TSPEAR: variants seen among roughly 807,000 people sequenced by gnomAD.
The protein encoded by TSPEAR is thrombospondin type laminin G domain and EAR repeats.
In TSPEAR, 69 loss-of-function variants were observed where a neutral mutation model predicts 71.6. The ratio of observed to expected loss-of-function variants is 0.96; its 90% confidence interval spans 0.79 to 1.18. The LOEUF (loss-of-function observed/expected upper bound fraction) is 1.18, where lower values mean the gene tolerates loss of function less well. Ranked by LOEUF, TSPEAR falls within the 50% of genes most tolerant of loss-of-function variation. The probability of loss-of-function intolerance (pLI) is 0.00; values close to 1 mark genes in which losing one functional copy is unlikely to be tolerated. For synonymous variants in TSPEAR, 402 were observed against 387.2 expected (o/e 1.04, Z -0.45); for missense variants, 971 against 894.9 (o/e 1.09, Z -1.09).
intron 1 of TSPEAR, among the ~76,000 whole-genome samples, chr21:44,696,489 T>A (rs1160581125): frequency 9.9e-5 from 15 of 152,212 alleles, no homozygotes; most frequent in Admixed American, 1.3e-4. Flanking sequence ...ACAAGGTTGA[T>A]GTATGGGTTA....
rs1390912746 is a variant in TSPEAR at position 44,695,226 on chromosome 21, C to G, written c.82+16207G>C. Among the ~76,000 whole-genome samples the G allele has an allele frequency of 6.6e-6, 1 of 152,234 alleles. No individual in the cohort carries two copies. Among genetic ancestry groups the G allele is most frequent in the Admixed American group, 6.5e-5 (1 of 15,290 alleles). ...CCTGTGGCTTTGGGGCATTCACACT[C>G]TCCTGGTCCTGTCCTGGCACCTTTG... On this transcript the variant is annotated intron_variant, in intron 1 of 11. Transcript: ENST00000323084. The surrounding 1 kb of genome is among the most constrained non-coding windows in gnomAD (Gnocchi z 4.5).
At position 44,642,996 on chromosome 21, in the gene TSPEAR, T is replaced by C. The variant is rs1456829397; in HGVS notation, c.82+68437A>G. On this transcript the variant is annotated intron_variant, in intron 1 of 11. Coordinates refer to ENST00000323084, the MANE Select transcript of TSPEAR (RefSeq NM_144991.3). This position sits in a 1 kb window ranked among gnomAD's most constrained non-coding sequence, Gnocchi z 4.1. ...GCAGCACTATTCACAACAGCAAAGA[T>C]ACGGAAGCAACATAAGTGATCATCA... Among the ~76,000 whole-genome samples, 1 of 152,114 alleles carries C rather than the reference T, an allele frequency of 6.6e-6. No individual in the cohort carries two copies. The highest frequency in any genetic ancestry group is 1.5e-5 in the Non-Finnish European group (1 of 68,028).
At chr21:44,681,944 G>GCA (rs1986614995) in intron 1 of TSPEAR, 1 of 1,614,054 alleles carries the variant, frequency 6.2e-7, no homozygotes, top group Non-Finnish European at 8.5e-7. Flanking sequence ...CGACGGGCCT[G>GCA]CAGCTCACGG....
At chr21:44,585,337 A>G (rs1185369985) in intron 1 of TSPEAR, among the ~76,000 whole-genome samples, 2 of 152,056 alleles carry the variant, frequency 1.3e-5, no homozygotes, top group Non-Finnish European at 2.9e-5. Flanking sequence ...ACCTGGCACT[A>G]TTCTCTCCTT....
intron 1 of TSPEAR, chr21:44,682,130 G>C (rs782552535): frequency 6.2e-7 from 1 of 1,613,124 alleles, no homozygotes; most frequent in Admixed American, 1.7e-5. Context: ...ACATGGTGGC[G>C]TGTGGCTGGA....
rs1243707593 is a variant in TSPEAR, at chr21:44,525,806, C to T, written c.1183G>A (p.Glu395Lys). 1.2e-6 allele frequency: 2 copies of T among 1,613,982 alleles called. No homozygotes were observed. Among genetic ancestry groups the T allele is most frequent in the South Asian group, 1.1e-5 (1 of 91,078 alleles). Residue 395 changes from glutamate to lysine, a missense_variant, in exon 8 of 12, where the codon GAG becomes AAG. Glu to Lys is a moderately conservative substitution (Grantham distance 56). Transcript: ENST00000323084. ...ATGACAGAGAACTCCTGACCCTTCT[C>T]ATCTGGTTCAAAATTAGCCACTGCC... ...FLAVANFEPD[E>K]KGQEFSVIYK... is the part of the protein sequence containing the mutation.
intron 1 of TSPEAR, among the ~76,000 whole-genome samples, chr21:44,615,153 G>A (rs905853702): frequency 1.3e-5 from 2 of 152,236 alleles, no homozygotes; most frequent in Admixed American, 6.5e-5. Flanking sequence ...AAAAATCTCC[G>A]GCGCATGTAC....
chr21:44,603,765 T>A (rs1167935927), intron 1 of TSPEAR, among the ~76,000 whole-genome samples: 1 of 152,238 alleles, frequency 6.6e-6, no homozygotes, highest in Non-Finnish European at 1.5e-5. Flanking sequence ...CACCTGGACA[T>A]TCACCATTTG....
At chr21:44,503,551 G>GGGGGAAGCCGGCC (rs2052102293) in intron 11 of TSPEAR, among the ~76,000 whole-genome samples, 2 of 129,044 alleles carry the variant, frequency 1.5e-5, no homozygotes, top group Non-Finnish European at 3.3e-5. Context: ...TGAGCCCACA[G>GGGGGAAGCCGGCC]TGGGGAAGCA....
At chr21:44,523,705 T>G (rs1280630832) in intron 8 of TSPEAR, among the ~76,000 whole-genome samples, 7 of 150,502 alleles carry the variant, frequency 4.7e-5, no homozygotes, top group Admixed American at 1.3e-4. Context: ...AGGCAGGTAG[T>G]TAGTCATCAG....
Position 44,602,418 on chromosome 21 carries a change from T to C in TSPEAR, c.83-34413A>G, listed in dbSNP as rs587685326. 4.9e-3 allele frequency among the ~76,000 whole-genome samples: 746 copies of C among 152,268 alleles called. 4 individuals carry two copies. Among genetic ancestry groups the C allele is most frequent in the Non-Finnish European group, 8.1e-3 (554 of 67,994 alleles). ...GCTGCTTTGGGGCCTCCCCAGAAAC[T>C]GGGTTGTGTCCAGCCCCTGGCTCCA... is the stretch of plus-strand genomic sequence containing the variant. On this transcript the variant is annotated intron_variant, in intron 1 of 11. Coordinates refer to ENST00000323084, the MANE Select transcript of TSPEAR (RefSeq NM_144991.3).
intron 8 of TSPEAR, among the ~76,000 whole-genome samples, chr21:44,524,130 GT>G (rs1555914643): frequency 8.1e-4 from 123 of 151,898 alleles, no homozygotes; most frequent in African/African-American, 3.0e-3. Flanking sequence ...TAGTCAGTCA[GT>G]CAGTGAGGTA....
intron 11 of TSPEAR, among the ~76,000 whole-genome samples, chr21:44,504,038 C>A (rs1461769769): frequency 6.9e-6 from 1 of 144,084 alleles, no homozygotes; most frequent in Non-Finnish European, 1.5e-5. Flanking sequence ...GGAAGCAAGG[C>A]TCTGGGAGGA....
intron 9 of TSPEAR, among the ~76,000 whole-genome samples, chr21:44,513,791 A>T (rs2052470923): frequency 6.6e-6 from 1 of 152,034 alleles, no homozygotes; most frequent in Non-Finnish European, 1.5e-5. Flanking sequence ...GGCAGGATGC[A>T]CCCCTGGGGC....
At chr21:44,517,945 CTCT>C (rs1171386237) in intron 9 of TSPEAR, 11 of 433,456 alleles carry the variant, frequency 2.5e-5, no homozygotes, top group Admixed American at 8.5e-5. Flanking sequence ...TGTCCTCACC[CTCT>C]TCTTTTTTTT....
chr21:44,583,938 C>T (rs1979174685), intron 1 of TSPEAR, among the ~76,000 whole-genome samples: 1 of 152,124 alleles, frequency 6.6e-6, no homozygotes, highest in Non-Finnish European at 1.5e-5. Context: ...GTCAACTGTC[C>T]CCGTGCTGCA....
intron 1 of TSPEAR, among the ~76,000 whole-genome samples, chr21:44,701,707 G>A (rs570797812): frequency 2.0e-5 from 3 of 151,170 alleles, no homozygotes; most frequent in South Asian, 4.2e-4. Context: ...GGCAGGAGGC[G>A]GAGCTCGGGT....
chr21:44,624,984 C>T (rs1186311510), intron 1 of TSPEAR, among the ~76,000 whole-genome samples: 1 of 152,178 alleles, frequency 6.6e-6, no homozygotes, highest in Non-Finnish European at 1.5e-5. Context: ...GATGGCCAGT[C>T]TGATGTCAGC....
chr21:44,600,444 C>T (rs1263463453), intron 1 of TSPEAR, among the ~76,000 whole-genome samples: 2 of 152,122 alleles, frequency 1.3e-5, no homozygotes, highest in African/African-American at 2.4e-5. Flanking sequence ...CACTAATAAG[C>T]GTTCTCTAGG....
Sources: allele counts gnomAD v4.1 joint callset (sites outside exome capture counted in the v4.1 genomes callset), GRCh38; gene constraint gnomAD v4.1.1; non-coding constraint Gnocchi (gnomAD v3.1); transcripts MANE v1.5; gene names NCBI Gene and HGNC (gene_info 2026-07-23, HGNC 2026-07-21).